The following SPON1 variants were observed in gnomAD, a reference collection of about 807,000 sequenced individuals.
SPON1 encodes spondin 1, also known as spondin-1.
In SPON1, 52 loss-of-function variants were observed where a neutral mutation model predicts 111.7. That is an observed-to-expected ratio of 0.47 (90% confidence interval 0.37 to 0.59). SPON1 has a LOEUF of 0.59. SPON1 is among the 20% of genes least tolerant of loss of function. The pLI is 0.00. For missense variants in SPON1, 957 were observed against 1,068.5 expected, an observed-to-expected ratio of 0.90 and a Z score of 1.46; for synonymous variants, 410 against 395.8, an observed-to-expected ratio of 1.04 and a Z score of -0.43.
intron 6 of SPON1, among the ~76,000 whole-genome samples, chr11:14,200,514 T>C (rs1554935500): frequency 2.0e-5 from 3 of 152,190 alleles, no homozygotes; most frequent in African/African-American, 7.2e-5. Context: ...ATCTTTTGGC[T>C]GGTTTCTTCA....
chr11:14,165,346 C>T (rs895738693), intron 6 of SPON1, among the ~76,000 whole-genome samples: 2 of 152,042 alleles, frequency 1.3e-5, no homozygotes, highest in East Asian at 1.9e-4. Flanking sequence ...GGGAAAAGGC[C>T]GTCGATCACT....
chr11:14,129,319 A>C (rs1426515599), intron 5 of SPON1, among the ~76,000 whole-genome samples: 1 of 152,162 alleles, frequency 6.6e-6, no homozygotes, highest in African/African-American at 2.4e-5. Flanking sequence ...CAAATCTTAA[A>C]TGCTTTGCTA....
At chr11:14,090,998 C>T (rs1849050345) in intron 5 of SPON1, among the ~76,000 whole-genome samples, 1 of 152,002 alleles carries the variant, frequency 6.6e-6, no homozygotes, top group African/African-American at 2.4e-5. Flanking sequence ...TCCAAGGCCC[C>T]ACCAGAGCAG....
At chr11:14,167,865 T>G (rs1211907257) in intron 6 of SPON1, among the ~76,000 whole-genome samples, 1 of 152,146 alleles carries the variant, frequency 6.6e-6, no homozygotes, top group East Asian at 1.9e-4. Context: ...CCCACAGAAT[T>G]TTTTCATAAA....
At chr11:14,207,253 T>C (rs1848527476) in intron 6 of SPON1, among the ~76,000 whole-genome samples, 1 of 152,112 alleles carries the variant, frequency 6.6e-6, no homozygotes, top group African/African-American at 2.4e-5. Flanking sequence ...GATAAAAGAC[T>C]TAAATGTAAA....
intron 6 of SPON1, among the ~76,000 whole-genome samples, chr11:14,148,044 C>A (rs577230084): frequency 6.6e-6 from 1 of 151,634 alleles, no homozygotes; most frequent in East Asian, 1.9e-4. Flanking sequence ...CACTGGAGAG[C>A]GCTTTCTTCT....
chr11:14,204,014 T>C (rs1848490621), intron 6 of SPON1, among the ~76,000 whole-genome samples: 1 of 152,246 alleles, frequency 6.6e-6, no homozygotes, highest in African/African-American at 2.4e-5. Context: ...GTATTTTTGC[T>C]ATTACTACCA....
intron 3 of SPON1, among the ~76,000 whole-genome samples, chr11:14,047,599 G>A (rs1554917960): frequency 6.6e-6 from 1 of 152,180 alleles, no homozygotes; most frequent in Non-Finnish European, 1.5e-5. Context: ...AGTTCAGAGA[G>A]GAGATGAATG....
At chr11:14,124,464 C>A (rs1181406884) in intron 5 of SPON1, among the ~76,000 whole-genome samples, 1 of 152,150 alleles carries the variant, frequency 6.6e-6, no homozygotes, top group Admixed American at 6.5e-5. Context: ...TTGTATCACC[C>A]ACGCTTTATT....
intron 2 of SPON1, among the ~76,000 whole-genome samples, chr11:14,027,639 G>T (rs576279472): frequency 5.3e-5 from 8 of 152,280 alleles, no homozygotes; most frequent in East Asian, 1.9e-4. Flanking sequence ...CATCCCTGAA[G>T]GTGTAAGCAC....
At chr11:14,095,985 G>C (rs1369073804) in intron 5 of SPON1, among the ~76,000 whole-genome samples, 1 of 152,206 alleles carries the variant, frequency 6.6e-6, no homozygotes, top group South Asian at 2.1e-4. Context: ...GCTATGATGG[G>C]ACAGGAGACA....
At chr11:14,186,427 G>A (rs1848286266) in intron 6 of SPON1, among the ~76,000 whole-genome samples, 1 of 152,224 alleles carries the variant, frequency 6.6e-6, no homozygotes, top group Admixed American at 6.5e-5. Context: ...TTCCAGGGAA[G>A]ATAAGTTATG....
chr11:14,094,038 C>G (rs554696820), intron 5 of SPON1, among the ~76,000 whole-genome samples: 35 of 152,118 alleles, frequency 2.3e-4, no homozygotes, highest in African/African-American at 8.0e-4. Flanking sequence ...ATGGTGAAAC[C>G]CTGTCTCTAC....
chr11:14,184,158 C>A (rs1351573281), intron 6 of SPON1, among the ~76,000 whole-genome samples: 1 of 152,170 alleles, frequency 6.6e-6, no homozygotes, highest in Non-Finnish European at 1.5e-5. Flanking sequence ...ACTATGTAAT[C>A]TCTGCTCATT....
intron 2 of SPON1, among the ~76,000 whole-genome samples, chr11:13,989,389 G>A (rs1468295611): frequency 6.6e-6 from 1 of 152,172 alleles, no homozygotes. Context: ...GGGATCAGTA[G>A]TGATATCCCC....
At chr11:14,064,935 C>T (rs1848820762) in intron 3 of SPON1, among the ~76,000 whole-genome samples, 1 of 152,136 alleles carries the variant, frequency 6.6e-6, no homozygotes, top group South Asian at 2.1e-4. Flanking sequence ...GACAGCTGCT[C>T]TTATAGAATC....
chr11:14,168,130 C>T (rs1012054994), intron 6 of SPON1, among the ~76,000 whole-genome samples: 1 of 152,162 alleles, frequency 6.6e-6, no homozygotes, highest in Non-Finnish European at 1.5e-5. Flanking sequence ...AGCTAGTAGG[C>T]ATGGCTCTCC....
intron 5 of SPON1, among the ~76,000 whole-genome samples, chr11:14,114,865 T>C (rs1301762982): frequency 2.0e-5 from 3 of 152,184 alleles, no homozygotes; most frequent in African/African-American, 4.8e-5. Context: ...CAGGACCATA[T>C]GTAGGATTTA....
chr11:14,058,683 G>A (rs781929317), intron 3 of SPON1, among the ~76,000 whole-genome samples: 2 of 152,122 alleles, frequency 1.3e-5, no homozygotes, highest in Admixed American at 6.6e-5. Flanking sequence ...CTTCTTTATC[G>A]CTTCCTTTGC....
Sources: allele counts gnomAD v4.1 joint callset (sites outside exome capture counted in the v4.1 genomes callset), GRCh38; gene constraint gnomAD v4.1.1; transcripts MANE v1.5; gene names NCBI Gene and HGNC (gene_info 2026-07-23, HGNC 2026-07-21).